The following CSMD1 variants were observed in gnomAD, a reference collection of about 807,000 sequenced individuals.
The protein encoded by CSMD1 is CUB and sushi domain-containing protein 1.
Under a neutral mutation model 417.5 loss-of-function variants are expected in CSMD1, and 213 were observed. That is an observed-to-expected ratio of 0.51 (90% CI 0.46 to 0.57). The LOEUF (loss-of-function observed/expected upper bound fraction) is 0.57, where lower values mean the gene tolerates loss of function less well. Ranked by LOEUF, CSMD1 falls within the 20% of genes least tolerant of loss-of-function variation. The pLI is 0.00. For synonymous variants in CSMD1, 2,862 were observed against 1,736.8 expected (o/e 1.65, Z -16.11); for missense variants, 6,923 against 4,529.7 (o/e 1.53, Z -15.17).
At chr8:4,486,158 C>CAT (rs1285975336) in intron 2 of CSMD1, among the ~76,000 whole-genome samples, 2 of 17,880 alleles carry the variant, frequency 1.1e-4, no homozygotes, top group African/African-American at 4.3e-4. Context: ...TATATATATA[C>CAT]ATACATATAT....
chr8:4,482,798 T>A (rs1801168470), intron 2 of CSMD1, among the ~76,000 whole-genome samples: 1 of 152,220 alleles, frequency 6.6e-6, no homozygotes, highest in Admixed American at 6.5e-5. Context: ...CTGACTGGTG[T>A]GAGACAGTAT....
At chr8:3,976,862 C>G (rs996525728) in intron 5 of CSMD1, among the ~76,000 whole-genome samples, 5 of 152,092 alleles carry the variant, frequency 3.3e-5, no homozygotes, top group Non-Finnish European at 7.4e-5. Context: ...CTGCACTGAC[C>G]AGCACTAGCA....
At position 3,406,119 on chromosome 8, in the gene CSMD1, T is replaced by C; in HGVS notation, c.2174A>G (p.Asp725Gly). 6.2e-7 allele frequency: 1 copy of C among 1,613,860 alleles called. No homozygotes were observed. Among genetic ancestry groups the C allele is most frequent in the Non-Finnish European group, 8.5e-7 (1 of 1,179,866 alleles). The change falls in exon 15 of 70, where the codon GAT (aspartate) becomes GGT (glycine). Residue 725 changes from aspartate (D) to glycine (G), a missense_variant. Asp to Gly is a moderately conservative substitution (Grantham distance 94). Coordinates refer to ENST00000635120, the MANE Select transcript of CSMD1 (RefSeq NM_033225.6). Reference protein sequence around the residue: ...LGSSVSFHCDDGFVKTQGSES... With the variant: ...LGSSVSFHCDGGFVKTQGSES... ...GGATCCCTGGGTCTTGACAAAGCCA[T>C]CATCACAGTGGAAAGAAACCGAGCT...
chr8:3,275,380 C>T (rs765151657), intron 26 of CSMD1, among the ~76,000 whole-genome samples: 1 of 152,034 alleles, frequency 6.6e-6, no homozygotes, highest in African/African-American at 2.4e-5. Flanking sequence ...TTCATTTCAC[C>T]TTTGGTGAAT....
Position 3,152,138 on chromosome 8 carries a change from A to T in CSMD1, c.5915-625T>A, listed in dbSNP as rs984631936. 1.4e-4 allele frequency among the ~76,000 whole-genome samples: 22 copies of T among 152,226 alleles called. 1 individual carries two copies. Among genetic ancestry groups the T allele is most frequent in the Non-Finnish European group, 2.4e-4 (16 of 68,048 alleles). On this transcript the variant is annotated intron_variant, in intron 39 of 69. Transcript: ENST00000635120. ...TCAATTTCGGAAGGCAGCTAACTGC[A>T]ACCACTTTCTCCCCAGGAAATCTTA...
At chr8:3,521,867 G>A (rs544832428) in intron 10 of CSMD1, among the ~76,000 whole-genome samples, 31 of 152,146 alleles carry the variant, frequency 2.0e-4, no homozygotes, top group African/African-American at 2.7e-4. Context: ...CTAATACCGC[G>A]GAACAGTTTG....
chr8:3,818,116 C>T (rs1801500643), intron 5 of CSMD1, among the ~76,000 whole-genome samples: 1 of 152,194 alleles, frequency 6.6e-6, no homozygotes. Context: ...CCCTGAGAGC[C>T]CAGGACCCAA....
chr8:3,739,823 G>C (rs186836125), intron 6 of CSMD1, among the ~76,000 whole-genome samples: 1 of 152,208 alleles, frequency 6.6e-6, no homozygotes, highest in East Asian at 1.9e-4. Flanking sequence ...TAGTAACAAA[G>C]AATGCAGACA....
chr8:3,714,883 T>TTTGAACACATGTG (rs1224104626), intron 6 of CSMD1, among the ~76,000 whole-genome samples: 86 of 152,362 alleles, frequency 5.6e-4, no homozygotes, highest in African/African-American at 2.0e-3. Context: ...TGAAACATGT[T>TTTGAACACATGTG]TTGAACACAA....
intron 3 of CSMD1, among the ~76,000 whole-genome samples, chr8:4,156,253 C>T (rs1796827905): frequency 6.6e-6 from 1 of 152,140 alleles, no homozygotes; most frequent in South Asian, 2.1e-4. Context: ...TTTTTACTAA[C>T]TTTTTAATTA....
intron 10 of CSMD1, among the ~76,000 whole-genome samples, chr8:3,570,563 G>GT (rs11463572): frequency 0.87 from 131,895 of 152,080 alleles, 57,560 homozygotes; most frequent in Non-Finnish European, 0.89. Context: ...GCTCTAGAGA[G>GT]GGGGCAGGAA....
chr8:4,226,067 G>GACACACACAC (rs67767005), intron 3 of CSMD1, among the ~76,000 whole-genome samples: 16 of 143,602 alleles, frequency 1.1e-4, no homozygotes, highest in African/African-American at 3.6e-4. Flanking sequence ...CTGACAGGCG[G>GACACACACAC]ACACACACAC....
chr8:4,332,343 G>A (rs913789619), intron 3 of CSMD1, among the ~76,000 whole-genome samples: 3 of 152,016 alleles, frequency 2.0e-5, no homozygotes, highest in African/African-American at 7.2e-5. Flanking sequence ...CCAAAACGCT[G>A]AAAAAGGAAG....
At chr8:3,591,898 A>T (rs1800864324) in intron 8 of CSMD1, among the ~76,000 whole-genome samples, 1 of 152,160 alleles carries the variant, frequency 6.6e-6, no homozygotes, top group African/African-American at 2.4e-5. Context: ...AGATAGCTGG[A>T]TGGAGGAATA....
At chr8:3,361,751 C>T (rs142284792) in intron 20 of CSMD1, among the ~76,000 whole-genome samples, 1 of 149,122 alleles carries the variant, frequency 6.7e-6, no homozygotes, top group African/African-American at 2.5e-5. Flanking sequence ...TATAAAGAAA[C>T]ACCATGATCT....
In CSMD1 at chr8:3,312,776, C is replaced by G. The variant is rs748247100; in HGVS notation, c.3632-4273G>C. Among the ~76,000 whole-genome samples, 29 of 149,786 alleles carry G rather than the reference C, an allele frequency of 1.9e-4. No homozygotes were observed. The East Asian group carries it at 3.7e-3, about 19-fold the overall frequency. ...TTAAACTGTGCCCTTAGAGCCATAG[C>G]ATGTCAGCATCTCTCAGGTTCTCAA... is the stretch of plus-strand genomic sequence containing the variant. On this transcript the variant is annotated intron_variant, in intron 23 of 69. Transcript: ENST00000635120.
intron 2 of CSMD1, among the ~76,000 whole-genome samples, chr8:4,425,496 G>A (rs116811862): frequency 0.019 from 2,824 of 152,050 alleles, 102 homozygotes; most frequent in African/African-American, 0.063. Flanking sequence ...AATGTTTATA[G>A]CCATTTACTC....
chr8:4,501,439 G>A (rs1415996562), intron 2 of CSMD1, among the ~76,000 whole-genome samples: 2 of 152,114 alleles, frequency 1.3e-5, no homozygotes, highest in African/African-American at 2.4e-5. Context: ...AAGAAGTCGA[G>A]GTGGATATTT....
At chr8:3,914,076 G>C (rs1306917725) in intron 5 of CSMD1, among the ~76,000 whole-genome samples, 1 of 152,140 alleles carries the variant, frequency 6.6e-6, no homozygotes, top group Non-Finnish European at 1.5e-5. Context: ...TCACAATAAA[G>C]AGTCATATTT....
Sources: allele counts gnomAD v4.1 joint callset (sites outside exome capture counted in the v4.1 genomes callset), GRCh38; gene constraint gnomAD v4.1.1; transcripts MANE v1.5; gene names NCBI Gene and HGNC (gene_info 2026-07-23, HGNC 2026-07-21).